CCNY: variants seen among roughly 807,000 people sequenced by gnomAD.
The protein encoded by CCNY is cyclin Y.
A neutral mutation model predicts 42.8 loss-of-function variants in CCNY; 19 were observed. The ratio of observed to expected loss-of-function variants is 0.44; its 90% CI spans 0.31 to 0.65. CCNY has a LOEUF of 0.65. CCNY is among the 30% of genes least tolerant of loss of function. The pLI, the probability that CCNY is intolerant of heterozygous loss-of-function variation, is 0.07. For missense variants in CCNY, 370 were observed against 437.3 expected, an observed-to-expected ratio of 0.85 and a Z score of 1.37; for synonymous variants, 165 against 162.7, an observed-to-expected ratio of 1.01 and a Z score of -0.11.
chr10:35,434,934 CT>C (rs934315086), intron 1 of CCNY, among the ~76,000 whole-genome samples: 3 of 152,154 alleles, frequency 2.0e-5, no homozygotes, highest in African/African-American at 7.2e-5. Context: ...TTCTCGACTC[CT>C]TTTTACTTTG....
intron 8 of CCNY, among the ~76,000 whole-genome samples, chr10:35,565,282 C>G (rs529447607): frequency 6.6e-6 from 1 of 152,090 alleles, no homozygotes; most frequent in Non-Finnish European, 1.5e-5. Flanking sequence ...AGTGTGGGCC[C>G]GGGGCAAGAG....
At chr10:35,488,311 G>A (rs369430331) in intron 2 of CCNY, among the ~76,000 whole-genome samples, 37 of 152,230 alleles carry the variant, frequency 2.4e-4, no homozygotes, top group African/African-American at 8.2e-4. Context: ...TTTGGTTACC[G>A]GGCAGTGTTG....
chr10:35,296,727 C>G (rs961517880), intron 3 of CCNY, among the ~76,000 whole-genome samples: 18 of 152,166 alleles, frequency 1.2e-4, no homozygotes, highest in African/African-American at 4.1e-4. Flanking sequence ...AATTCCTGGA[C>G]ACATACCACC....
intron 1 of CCNY, among the ~76,000 whole-genome samples, chr10:35,393,470 C>T (rs1056690461): frequency 5.9e-5 from 9 of 152,202 alleles, no homozygotes; most frequent in African/African-American, 1.4e-4. Context: ...ATTCACCTTC[C>T]GCTTTCCCTT....
At chr10:35,465,911 G>GAT in intron 1 of CCNY, among the ~76,000 whole-genome samples, 1 of 110,516 alleles carries the variant, frequency 9.0e-6, no homozygotes, top group Non-Finnish European at 1.9e-5. Flanking sequence ...GGGGAAGAGA[G>GAT]AGAGAGAGAG....
chr10:35,368,959 T>C (rs1836870155), intron 1 of CCNY, among the ~76,000 whole-genome samples: 1 of 152,206 alleles, frequency 6.6e-6, no homozygotes, highest in African/African-American at 2.4e-5. Flanking sequence ...ACTATTTGGC[T>C]TCAGAAGTTG....
chr10:35,476,903 GAAGAA>G (rs1453608703), intron 1 of CCNY, among the ~76,000 whole-genome samples: 2 of 152,096 alleles, frequency 1.3e-5, no homozygotes, highest in Non-Finnish European at 2.9e-5. Flanking sequence ...GACTAATAAA[GAAGAA>G]AAGAGAGAAG....
chr10:35,348,032 C>G (rs1020444407), intron 1 of CCNY, among the ~76,000 whole-genome samples: 9 of 152,172 alleles, frequency 5.9e-5, no homozygotes, highest in African/African-American at 2.2e-4. Flanking sequence ...TAACTTTTGT[C>G]AGTTTAGGGA....
At chr10:35,312,428 A>G (rs891746351) in intron 3 of CCNY, among the ~76,000 whole-genome samples, 2 of 150,814 alleles carry the variant, frequency 1.3e-5, no homozygotes, top group African/African-American at 4.9e-5. Context: ...GGTACTTGTA[A>G]ACCCCTGTCT....
At chr10:35,333,351 A>G (rs925675696), upstream of CCNY, among the ~76,000 whole-genome samples, 1 of 152,108 alleles carries the variant, frequency 6.6e-6, no homozygotes, top group Non-Finnish European at 1.5e-5. Context: ...CTACTCCTCA[A>G]CCTTGTTGCC....
chr10:35,355,678 CAA>C (rs60257114), intron 1 of CCNY, among the ~76,000 whole-genome samples: 333 of 57,368 alleles, frequency 5.8e-3, no homozygotes, highest in African/African-American at 0.026. Context: ...ATACTGTCTC[CAA>C]AAAAAAAAAA....
intron 7 of CCNY, among the ~76,000 whole-genome samples, chr10:35,548,514 T>C (rs1232617109): frequency 2.0e-5 from 3 of 152,056 alleles, no homozygotes; most frequent in Admixed American, 6.6e-5. Context: ...GCCAGGATGG[T>C]CTCGATCTCC....
intron 1 of CCNY, among the ~76,000 whole-genome samples, chr10:35,360,548 C>T (rs768971537): frequency 5.3e-5 from 8 of 151,996 alleles, no homozygotes; most frequent in South Asian, 2.1e-4. Flanking sequence ...TCCCAAAGTG[C>T]TGGGATTACA....
intron 1 of CCNY, among the ~76,000 whole-genome samples, chr10:35,400,833 G>A (rs1404757737): frequency 6.6e-6 from 1 of 152,218 alleles, no homozygotes; most frequent in Non-Finnish European, 1.5e-5. Context: ...TTGAGCCATG[G>A]TGCAGTTGCT....
chr10:35,536,416 T>C (rs1484595798), intron 7 of CCNY, among the ~76,000 whole-genome samples: 2 of 152,154 alleles, frequency 1.3e-5, no homozygotes, highest in Non-Finnish European at 2.9e-5. Flanking sequence ...GGGGTGCTGC[T>C]GAAAAGATAC....
intron 1 of CCNY, among the ~76,000 whole-genome samples, chr10:35,469,432 G>A (rs1402239195): frequency 6.6e-6 from 1 of 152,148 alleles, no homozygotes; most frequent in Non-Finnish European, 1.5e-5. Context: ...ATTAGAAATA[G>A]GACAGCAGAG....
chr10:35,338,024 G>T (rs545275135), intron 1 of CCNY, among the ~76,000 whole-genome samples: 3 of 152,302 alleles, frequency 2.0e-5, no homozygotes, highest in African/African-American at 7.2e-5. Context: ...TAACGACAGA[G>T]GGATATTTAT....
intron 8 of CCNY, among the ~76,000 whole-genome samples, chr10:35,556,273 T>C (rs962901160): frequency 1.4e-4 from 21 of 152,150 alleles, no homozygotes; most frequent in Admixed American, 7.2e-4. Flanking sequence ...GTGCCACCTT[T>C]TTCCACTGCC....
At chr10:35,309,317 G>A (rs554345509) in intron 3 of CCNY, among the ~76,000 whole-genome samples, 3 of 152,312 alleles carry the variant, frequency 2.0e-5, no homozygotes, top group African/African-American at 2.4e-5. Context: ...AAGCACACTC[G>A]GACTCAGTGG....
Sources: allele counts gnomAD v4.1 joint callset (sites outside exome capture counted in the v4.1 genomes callset), GRCh38; gene constraint gnomAD v4.1.1; transcripts MANE v1.5; gene names NCBI Gene and HGNC (gene_info 2026-07-23, HGNC 2026-07-21).